The following FHOD3 variants were observed in gnomAD, a reference collection of about 807,000 sequenced individuals.
FHOD3 encodes the protein FH1/FH2 domain-containing protein 3.
FHOD3 carries 90 observed loss-of-function variants against 173.0 expected under a neutral mutation model. The ratio of observed to expected loss-of-function variants is 0.52; its 90% CI spans 0.44 to 0.62. The LOEUF (loss-of-function observed/expected upper bound fraction) is 0.62, where lower values mean the gene tolerates loss of function less well. Ranked by LOEUF, FHOD3 falls within the 20% of genes least tolerant of loss-of-function variation. The pLI is 0.00. For synonymous variants in FHOD3, 828 were observed against 823.0 expected, an observed-to-expected ratio of 1.01 and a Z score of -0.10; for missense variants, 1,945 against 2,034.7, an observed-to-expected ratio of 0.96 and a Z score of 0.85.
chr18:36,346,908 A>G (rs150997907), intron 1 of FHOD3, among the ~76,000 whole-genome samples: 436 of 152,184 alleles, frequency 2.9e-3, no homozygotes, highest in Non-Finnish European at 4.5e-3. Context: ...TTTTGCATCC[A>G]CTGTGCTTCA....
intron 6 of FHOD3, among the ~76,000 whole-genome samples, chr18:36,589,069 A>G (rs1467133469): frequency 6.6e-6 from 1 of 152,180 alleles, no homozygotes. Flanking sequence ...TTTAGCCTTT[A>G]TTTTGAGAGT....
chr18:36,652,447 A>G, intron 11 of FHOD3, 123 bp from the exon 12 acceptor site: 2 of 1,224,714 alleles, frequency 1.6e-6, no homozygotes, highest in South Asian at 1.6e-5. Context: ...ACACAGCTTG[A>G]CTTTGAAGTG....
chr18:36,744,308 A>C, intron 23 of FHOD3, 115 bp downstream of exon 23: 1 of 1,010,110 alleles, frequency 9.9e-7, no homozygotes, highest in Non-Finnish European at 1.4e-6. Flanking sequence ...TGCTGCCTGC[A>C]TTCTCTGCTC....
At chr18:36,586,609 C>T (rs1430858987) in intron 6 of FHOD3, among the ~76,000 whole-genome samples, 2 of 152,082 alleles carry the variant, frequency 1.3e-5, no homozygotes, top group Admixed American at 6.5e-5. Context: ...CTGCCTCAGC[C>T]ACCTGAGTAG....
chr18:36,508,897 A>T (rs1437766322), intron 4 of FHOD3, among the ~76,000 whole-genome samples: 3 of 152,184 alleles, frequency 2.0e-5, no homozygotes, highest in African/African-American at 7.2e-5. Flanking sequence ...GAGCCCCAAG[A>T]GCTGCTGACA....
chr18:36,334,725 C>G (rs1568135744), intron 1 of FHOD3, among the ~76,000 whole-genome samples: 1 of 152,198 alleles, frequency 6.6e-6, no homozygotes. Context: ...CATTCCTGGC[C>G]AAGACTGCTC....
intron 5 of FHOD3, among the ~76,000 whole-genome samples, chr18:36,571,585 G>GA (rs1411343522): frequency 6.6e-6 from 1 of 152,144 alleles, no homozygotes; most frequent in African/African-American, 2.4e-5. Flanking sequence ...AAAGAAGAAC[G>GA]AATAGGAAGA....
chr18:36,492,878 A>T (rs1457654294), intron 3 of FHOD3, among the ~76,000 whole-genome samples: 1 of 152,174 alleles, frequency 6.6e-6, no homozygotes, highest in African/African-American at 2.4e-5. Flanking sequence ...GGTGGCATAA[A>T]TGTCATGGCT....
At chr18:36,554,214 A>G (rs1329538410) in intron 5 of FHOD3, among the ~76,000 whole-genome samples, 2 of 152,158 alleles carry the variant, frequency 1.3e-5, no homozygotes, top group East Asian at 3.9e-4. Flanking sequence ...ACTATTCACA[A>G]TAGCAAAGAC....
intron 14 of FHOD3, among the ~76,000 whole-genome samples, chr18:36,677,248 T>G (rs1032455968): frequency 4.6e-5 from 7 of 152,020 alleles, no homozygotes; most frequent in Non-Finnish European, 7.4e-5. Flanking sequence ...AACCTCCACC[T>G]CCCAGGTTCA....
intron 5 of FHOD3, among the ~76,000 whole-genome samples, chr18:36,540,077 C>T (rs1035106565): frequency 6.6e-6 from 1 of 152,144 alleles, no homozygotes; most frequent in Non-Finnish European, 1.5e-5. Context: ...TCCTCGATGA[C>T]ACACATAAGA....
At chr18:36,333,620 G>A (rs2045140614) in intron 1 of FHOD3, among the ~76,000 whole-genome samples, 1 of 152,206 alleles carries the variant, frequency 6.6e-6, no homozygotes, top group Admixed American at 6.5e-5. Context: ...GTGGAGCAGA[G>A]TCATCTGTCT....
intron 1 of FHOD3, among the ~76,000 whole-genome samples, chr18:36,342,087 A>G (rs1450514360): frequency 6.6e-6 from 1 of 152,240 alleles, no homozygotes; most frequent in Non-Finnish European, 1.5e-5. Context: ...CAAAAAAAGT[A>G]TGGAGTAAAT....
In FHOD3 at chr18:36,494,972, C is replaced by CCGCTCTG. The variant is rs1205000296; in HGVS notation, c.338-6959_338-6953dup. ...CTCTGATGTGACAGCCCTGTCACCTCCGCTCTGTCGCCAAGGCTGGAGTAC... is the reference window on the plus strand; with the variant it reads ...CTCTGATGTGACAGCCCTGTCACCTCCGCTCTGCGCTCTGTCGCCAAGGCTGGAGTAC... On this transcript the variant is annotated intron_variant, in intron 3 of 28. Transcript: ENST00000590592. 3.3e-5 allele frequency among the ~76,000 whole-genome samples: 5 copies of CCGCTCTG among 152,236 alleles called. No homozygotes were observed. In the East Asian group the frequency reaches 7.7e-4, roughly 24 times the overall value.
At chr18:36,531,341 T>C (rs976198770) in intron 5 of FHOD3, among the ~76,000 whole-genome samples, 2 of 152,212 alleles carry the variant, frequency 1.3e-5, no homozygotes, top group Non-Finnish European at 2.9e-5. Context: ...GGGATGCTCT[T>C]CTTTCCCCTT....
intron 5 of FHOD3, among the ~76,000 whole-genome samples, chr18:36,551,866 T>G (rs574265812): frequency 2.6e-5 from 4 of 152,346 alleles, no homozygotes; most frequent in Admixed American, 6.5e-5. Flanking sequence ...GTCTCTGTTT[T>G]GGTACCAGTA....
chr18:36,586,457 C>T (rs1168719429), intron 6 of FHOD3, among the ~76,000 whole-genome samples: 1 of 151,880 alleles, frequency 6.6e-6, no homozygotes, highest in African/African-American at 2.4e-5. Context: ...TTTTGGTATT[C>T]CTTAGTAAAC....
At chr18:36,477,346 G>A (rs1291547197) in intron 3 of FHOD3, among the ~76,000 whole-genome samples, 2 of 152,146 alleles carry the variant, frequency 1.3e-5, no homozygotes, top group Non-Finnish European at 2.9e-5. Flanking sequence ...GATTAGCTTG[G>A]TATTGAATAT....
At chr18:36,681,310 G>A in intron 14 of FHOD3, 126 bp from the exon 15 acceptor site, 1 of 1,150,782 alleles carries the variant, frequency 8.7e-7, no homozygotes, top group Non-Finnish European at 1.2e-6. Flanking sequence ...GGCATTCAGT[G>A]ATTTTCCCCA....
Sources: gnomAD v4.1 joint callset for allele counts (sites outside exome capture counted in the v4.1 genomes callset) on GRCh38, gnomAD v4.1.1 for gene constraint, MANE v1.5 for transcripts, NCBI Gene and HGNC (gene_info 2026-07-23, HGNC 2026-07-21) for gene names.